The following LARGE1 variants were observed in gnomAD, a reference collection of about 807,000 sequenced individuals.
LARGE1 encodes LARGE xylosyl- and glucuronyltransferase 1.
Under a neutral mutation model 87.6 loss-of-function variants are expected in LARGE1, and 43 were observed. That is an observed-to-expected ratio of 0.49 (90% CI 0.38 to 0.63). The LOEUF is 0.63. LARGE1 is among the 30% of genes least tolerant of loss of function. LARGE1 has a pLI of 0.00. For missense variants in LARGE1, 802 were observed against 1,000.2 expected (o/e 0.80, Z 2.67); for synonymous variants, 434 against 394.6 (o/e 1.10, Z -1.18).
At chr22:33,837,050 C>T (rs867729062) in intron 1 of LARGE1, among the ~76,000 whole-genome samples, 76 of 152,280 alleles carry the variant, frequency 5.0e-4, no homozygotes, top group African/African-American at 1.8e-3. Flanking sequence ...ACGGGACCTC[C>T]ATGTGGGAGA....
At chr22:33,212,837 G>A (rs893969153) in intron 11 of LARGE1, among the ~76,000 whole-genome samples, 2 of 152,094 alleles carry the variant, frequency 1.3e-5, no homozygotes, top group African/African-American at 2.4e-5. Flanking sequence ...TTAACACGGT[G>A]AAACCCCGTC....
intron 6 of LARGE1, among the ~76,000 whole-genome samples, chr22:33,449,113 TC>T (rs1287786263): frequency 1.3e-5 from 2 of 152,196 alleles, no homozygotes; most frequent in East Asian, 3.9e-4. Flanking sequence ...GAGTGGTATT[TC>T]CAAGTATGGA....
the LARGE1 span, among the ~76,000 whole-genome samples, chr22:33,085,192 C>T: frequency 6.6e-6 from 1 of 152,242 alleles, no homozygotes; most frequent in Non-Finnish European, 1.5e-5. Context: ...AGGAGAATCA[C>T]TTGAACCCGG....
chr22:33,161,151 A>G (rs1024227665), downstream of LARGE1, among the ~76,000 whole-genome samples: 3 of 152,206 alleles, frequency 2.0e-5, no homozygotes, highest in Non-Finnish European at 4.4e-5. Context: ...AGCCCGTTAT[A>G]AAACCATCAG....
intron 11 of LARGE1, among the ~76,000 whole-genome samples, chr22:33,257,635 G>A (rs1927385129): frequency 6.6e-6 from 1 of 152,140 alleles, no homozygotes; most frequent in African/African-American, 2.4e-5. Context: ...GATAGGAGCA[G>A]GAAGGGCTTT....
chr22:33,623,896 G>A (rs1474884471), intron 4 of LARGE1, among the ~76,000 whole-genome samples: 3 of 151,972 alleles, frequency 2.0e-5, no homozygotes, highest in Non-Finnish European at 4.4e-5. Flanking sequence ...TGGGTGTGGT[G>A]GCAGGCGCCT....
At chr22:33,819,540 G>A (rs376713993) in intron 1 of LARGE1, among the ~76,000 whole-genome samples, 172 of 151,868 alleles carry the variant, frequency 1.1e-3, no homozygotes, top group African/African-American at 3.9e-3. Flanking sequence ...CCTCCCCACC[G>A]AGCCTCCTTA....
chr22:33,215,950 C>T (rs1925183416), intron 11 of LARGE1, among the ~76,000 whole-genome samples: 1 of 152,162 alleles, frequency 6.6e-6, no homozygotes, highest in Non-Finnish European at 1.5e-5. Flanking sequence ...AGCAAAACTC[C>T]ATCTCAAAAG....
At chr22:33,373,766 AGATCGAGACCATCCTGGATAACATG>A (rs1388004532) in intron 9 of LARGE1, among the ~76,000 whole-genome samples, 5 of 152,020 alleles carry the variant, frequency 3.3e-5, no homozygotes, top group Non-Finnish European at 7.4e-5. Context: ...TGAAGTCAGG[AGATCGAGACCATCCTGGATAACATG>A]GTGAAACCCT....
intron 10 of LARGE1, among the ~76,000 whole-genome samples, chr22:33,327,272 C>T (rs913153159): frequency 3.3e-5 from 5 of 152,116 alleles, no homozygotes; most frequent in East Asian, 1.9e-4. Flanking sequence ...TGTCAGGGAA[C>T]GTGGCCTTGG....
At chr22:33,765,776 C>T (rs1351056834) in intron 1 of LARGE1, among the ~76,000 whole-genome samples, 2 of 143,836 alleles carry the variant, frequency 1.4e-5, no homozygotes, top group Non-Finnish European at 3.0e-5. Flanking sequence ...AGGATAGGAA[C>T]TGAACTCATT....
chr22:33,519,524 C>G (rs769808138), intron 6 of LARGE1, among the ~76,000 whole-genome samples: 3 of 152,070 alleles, frequency 2.0e-5, no homozygotes, highest in Non-Finnish European at 4.4e-5. Context: ...CACTGGCTCC[C>G]GAAGACACCC....
intron 2 of LARGE1, among the ~76,000 whole-genome samples, chr22:33,738,387 T>C (rs2149505419): frequency 6.6e-6 from 1 of 152,202 alleles, no homozygotes; most frequent in East Asian, 1.9e-4. Context: ...AGCAAACTAA[T>C]CAGGCTCTCT....
chr22:33,570,365 G>A (rs1405738437), intron 5 of LARGE1, among the ~76,000 whole-genome samples: 1 of 152,134 alleles, frequency 6.6e-6, no homozygotes, highest in Non-Finnish European at 1.5e-5. Flanking sequence ...AGATGGTTTT[G>A]TCAGGGGAAA....
intron 1 of LARGE1, among the ~76,000 whole-genome samples, chr22:33,880,917 T>C (rs2064661164): frequency 6.6e-6 from 1 of 152,188 alleles, no homozygotes. Flanking sequence ...TACTTTTTAT[T>C]AGAATATATT....
intron 11 of LARGE1, among the ~76,000 whole-genome samples, chr22:33,204,852 G>A (rs539993831): frequency 2.0e-5 from 3 of 151,962 alleles, no homozygotes; most frequent in Non-Finnish European, 4.4e-5. Flanking sequence ...TCTGTTGAAA[G>A]TATCTTAACC....
chr22:33,671,318 T>C (rs1221207892), intron 2 of LARGE1, among the ~76,000 whole-genome samples: 1 of 152,132 alleles, frequency 6.6e-6, no homozygotes, highest in Non-Finnish European at 1.5e-5. Flanking sequence ...CCATACTGAG[T>C]GAGATGAAAG....
rs374692757 is a variant in LARGE1, at chr22:33,626,345, G to A, written c.409-19C>T. 413 of 1,604,014 alleles carry A rather than the reference G, an allele frequency of 2.6e-4. 1 individual carries two copies. Among genetic ancestry groups the A allele is most frequent in the Non-Finnish European group, 3.2e-4 (376 of 1,170,910 alleles). ...GGATTGTCTGGGAAGAAAAGAAGAC[G>A]GGGTGAGCAGTCAGACAGACGGAAG... On this transcript the variant is annotated intron_variant, in intron 3 of 14. Transcript: ENST00000397394.
chr22:33,845,921 T>C (rs2063417200), intron 1 of LARGE1, among the ~76,000 whole-genome samples: 1 of 152,196 alleles, frequency 6.6e-6, no homozygotes, highest in Admixed American at 6.5e-5. Context: ...ATTACCACAC[T>C]AAGAAAAGAA....
Sources: allele counts gnomAD v4.1 joint callset (sites outside exome capture counted in the v4.1 genomes callset), GRCh38; gene constraint gnomAD v4.1.1; transcripts MANE v1.5; gene names NCBI Gene and HGNC (gene_info 2026-07-23, HGNC 2026-07-21).